Variants in DPP6 observed in about 807,000 individuals in gnomAD.
DPP6 encodes the protein dipeptidyl peptidase like 6, also known as A-type potassium channel modulatory protein DPP6.
Under a neutral mutation model 122.6 loss-of-function variants are expected in DPP6, and 69 were observed. The ratio of observed to expected loss-of-function variants is 0.56; its 90% confidence interval spans 0.46 to 0.69. The LOEUF is 0.69. Among genes scored for constraint, DPP6 ranks in the 30% least tolerant of loss-of-function variants. The probability of loss-of-function intolerance (pLI) is 0.00; values close to 1 mark genes in which losing one functional copy is unlikely to be tolerated. For synonymous variants in DPP6, 418 were observed against 433.1 expected, an observed-to-expected ratio of 0.97 and a Z score of 0.43; for missense variants, 928 against 1,116.9, an observed-to-expected ratio of 0.83 and a Z score of 2.41.
chr7:154,155,621 C>G (rs1477493180), intron 1 of DPP6, among the ~76,000 whole-genome samples: 1 of 152,204 alleles, frequency 6.6e-6, no homozygotes, highest in Non-Finnish European at 1.5e-5. Flanking sequence ...GCCAGGAGAA[C>G]AGTTCCTATG....
rs368198222 is a variant in DPP6 at position 154,045,505 on chromosome 7, C to T, written c.51+157771C>T. Among the ~76,000 whole-genome samples, 115 of 152,342 alleles carry T rather than the reference C, an allele frequency of 7.5e-4. 1 individual carries two copies. Among genetic ancestry groups the T allele is most frequent in the African/African-American group, 2.5e-3 (103 of 41,574 alleles). On this transcript the variant is annotated intron_variant, in intron 1 of 25. Coordinates refer to the DPP6 transcript ENST00000404039. ...TTCAGCTGGTCTGAGACAGGGCCCACGAATCTGCATTTCCAACAAGTCCCT... is the reference window on the plus strand; with the variant it reads ...TTCAGCTGGTCTGAGACAGGGCCCATGAATCTGCATTTCCAACAAGTCCCT...
At chr7:154,326,022 C>T (rs538607178) in intron 1 of DPP6, among the ~76,000 whole-genome samples, 8 of 152,248 alleles carry the variant, frequency 5.3e-5, no homozygotes, top group Non-Finnish European at 1.2e-4. Context: ...TGCATGAAGC[C>T]TGTACTTCTT....
chr7:153,754,151 C>T, the DPP6 span, among the ~76,000 whole-genome samples: 505 of 144,590 alleles, frequency 3.5e-3, no homozygotes, highest in African/African-American at 0.014. Context: ...GATAGCAAAG[C>T]TTGTATGTCT....
intron 1 of DPP6, among the ~76,000 whole-genome samples, chr7:153,941,431 C>T (rs948631358): frequency 6.6e-6 from 1 of 152,156 alleles, no homozygotes; most frequent in Non-Finnish European, 1.5e-5. Context: ...GATTCCTGGG[C>T]CCCTCTGGGG....
chr7:154,281,363 G>A (rs1473547334), intron 1 of DPP6, among the ~76,000 whole-genome samples: 1 of 151,868 alleles, frequency 6.6e-6, no homozygotes, highest in Non-Finnish European at 1.5e-5. Flanking sequence ...TAAAATGGGT[G>A]CATCCTCTAC....
At chr7:154,529,005 A>C (rs1246483240) in intron 3 of DPP6, among the ~76,000 whole-genome samples, 1 of 152,196 alleles carries the variant, frequency 6.6e-6, no homozygotes, top group African/African-American at 2.4e-5. Flanking sequence ...AAGAAACTTG[A>C]CTAAAATAGT....
intron 1 of DPP6, among the ~76,000 whole-genome samples, chr7:153,927,130 G>A (rs1251168824): frequency 4.6e-5 from 7 of 152,082 alleles, no homozygotes. Context: ...CTGGGCAACA[G>A]AGTTAGACCG....
intron 1 of DPP6, among the ~76,000 whole-genome samples, chr7:154,062,733 G>GA (rs1298925173): frequency 1.2e-4 from 8 of 69,306 alleles, no homozygotes; most frequent in Non-Finnish European, 1.3e-4. Context: ...CGTAGGGGGG[G>GA]GGAGGCACCC....
chr7:154,049,180 T>C (rs191361457), upstream of DPP6, among the ~76,000 whole-genome samples: 1 of 148,348 alleles, frequency 6.7e-6, no homozygotes, highest in African/African-American at 2.5e-5. Flanking sequence ...CACAGTGTAC[T>C]TCAGGCGTTC....
intron 1 of DPP6, among the ~76,000 whole-genome samples, chr7:154,197,336 A>T (rs538773572): frequency 6.6e-6 from 1 of 152,196 alleles, no homozygotes; most frequent in Non-Finnish European, 1.5e-5. Flanking sequence ...GACAAGAAGC[A>T]TTCCTGTGCC....
At chr7:154,268,439 T>C (rs1286133430) in intron 1 of DPP6, among the ~76,000 whole-genome samples, 1 of 152,208 alleles carries the variant, frequency 6.6e-6, no homozygotes, top group Non-Finnish European at 1.5e-5. Context: ...TCTCATATGG[T>C]GGATGGGACT....
intron 1 of DPP6, among the ~76,000 whole-genome samples, chr7:154,411,534 C>T (rs2151206325): frequency 6.6e-6 from 1 of 152,322 alleles, no homozygotes; most frequent in East Asian, 1.9e-4. Flanking sequence ...AGCCACAGTG[C>T]TTGGCCTCAA....
At chr7:154,689,838 C>T (rs1839838180) in intron 7 of DPP6, among the ~76,000 whole-genome samples, 1 of 152,196 alleles carries the variant, frequency 6.6e-6, no homozygotes, top group Admixed American at 6.5e-5. Context: ...ATGCTGACTG[C>T]TCCATGAATT....
At chr7:154,084,785 C>G (rs940355017) in intron 1 of DPP6, among the ~76,000 whole-genome samples, 2 of 147,938 alleles carry the variant, frequency 1.4e-5, no homozygotes, top group African/African-American at 2.5e-5. Flanking sequence ...GTCAGGAGAT[C>G]GAGACCATCC....
At chr7:154,837,200 AC>A (rs1164884721) in intron 16 of DPP6, among the ~76,000 whole-genome samples, 3 of 151,574 alleles carry the variant, frequency 2.0e-5, no homozygotes, top group East Asian at 1.9e-4. Context: ...TGCATAACGC[AC>A]ATTCACACAT....
At chr7:154,347,323 A>G (rs1368144492) in intron 1 of DPP6, among the ~76,000 whole-genome samples, 1 of 152,248 alleles carries the variant, frequency 6.6e-6, no homozygotes, top group Non-Finnish European at 1.5e-5. Context: ...CTTGGATGAA[A>G]CTGTTTGTTT....
intron 1 of DPP6, among the ~76,000 whole-genome samples, chr7:154,242,237 G>A (rs1194392313): frequency 6.6e-6 from 1 of 152,036 alleles, no homozygotes; most frequent in African/African-American, 2.4e-5. Context: ...CCTGGAGCAG[G>A]TCTGTTGACT....
chr7:154,195,103 T>C lies in DPP6; in HGVS notation c.243+142040T>C, dbSNP rs148345141. On this transcript the variant is annotated intron_variant, in intron 1 of 25. Transcript: ENST00000377770. ...AAGGTTCTCTTCTATCTTTTTTTTC[T>C]AGAAGTTTTAACATTTAGGTCTGTG... Among the ~76,000 whole-genome samples, 475 of 152,342 alleles carry C rather than the reference T, an allele frequency of 3.1e-3. 1 individual carries two copies. The highest frequency in any genetic ancestry group is 0.011 in the African/African-American group (440 of 41,580).
At chr7:153,974,854 A>G (rs1796211966) in intron 1 of DPP6, among the ~76,000 whole-genome samples, 1 of 152,196 alleles carries the variant, frequency 6.6e-6, no homozygotes. Flanking sequence ...GCAGCCCTGC[A>G]TGCAGCAAAC....
Sources: allele counts gnomAD v4.1 joint callset (sites outside exome capture counted in the v4.1 genomes callset), GRCh38; gene constraint gnomAD v4.1.1; transcripts MANE v1.5; gene names NCBI Gene and HGNC (gene_info 2026-07-23, HGNC 2026-07-21).